The following ATP13A2 variants were observed in gnomAD, a reference collection of about 807,000 sequenced individuals.
ATP13A2 encodes ATPase cation transporting 13A2, also known as polyamine-transporting ATPase 13A2.
In ATP13A2, 83 loss-of-function variants were observed where a neutral mutation model predicts 138.3. The observed-to-expected ratio is 0.60, with a 90% CI of 0.50 to 0.72. The LOEUF (loss-of-function observed/expected upper bound fraction) is 0.72, where lower values mean the gene tolerates loss of function less well. ATP13A2 is among the 30% of genes least tolerant of loss of function. The pLI is 0.00. For synonymous variants in ATP13A2, 663 were observed against 699.0 expected (o/e 0.95, Z 0.81); for missense variants, 1,402 against 1,606.4 (o/e 0.87, Z 2.17).
chr1:16,987,536 C>G (rs1338196801), intron 25 of ATP13A2, among the ~76,000 whole-genome samples: 1 of 152,222 alleles, frequency 6.6e-6, no homozygotes, highest in South Asian at 2.1e-4. Flanking sequence ...AACAAACTCC[C>G]GGCCCGAAGG....
rs376927885 is a variant in ATP13A2 at position 16,992,149 on chromosome 1, G to A, written c.2006-20C>T. On this transcript the variant is annotated intron_variant, in intron 18 of 28. Transcript: ENST00000326735. ...TGGGCACTGCCAGGGAGAGGCAGGTGTCACAAGGAGGGGATGGCAGGGACA... is the reference window on the plus strand; with the variant it reads ...TGGGCACTGCCAGGGAGAGGCAGGTATCACAAGGAGGGGATGGCAGGGACA... 4.3e-5 allele frequency: 69 copies of A among 1,612,352 alleles called. No individual in the cohort carries two copies. Among genetic ancestry groups the A allele is most frequent in the Non-Finnish European group, 5.7e-5 (67 of 1,178,964 alleles).
intron 12 of ATP13A2, 138 bp downstream of exon 12, chr1:16,996,882 T>A (rs2077146456): frequency 8.9e-7 from 1 of 1,117,398 alleles, no homozygotes; most frequent in South Asian, 1.3e-5. Context: ...GGGGGGCAAC[T>A]GGCCCGAGGT....
Position 16,989,975 on chromosome 1 carries a change from A to G in ATP13A2, c.2441T>C (p.Val814Ala). The G allele has an allele frequency of 6.2e-7, 1 of 1,609,720 alleles. No individual in the cohort carries two copies. The highest frequency in any genetic ancestry group is 8.5e-7 in the Non-Finnish European group (1 of 1,178,022). The change falls in exon 22 of 29, where the codon GTG (valine) becomes GCG (alanine). Residue 814 changes from valine to alanine, a missense_variant. Val to Ala is a moderately conservative substitution (Grantham distance 64). Transcript: ENST00000326735. ...KDPDQAASYT[V>A]EPDPRSRHLA... ...GTGCCTGGATCGGGGGTCTGGCTCC[A>G]CGGTGTAGCTTGCAGCCTGGTCAGG...
intron 14 of ATP13A2, 26 bp downstream of exon 14, chr1:16,996,227 AC>A (rs746457743): frequency 8.7e-6 from 14 of 1,613,472 alleles, no homozygotes; most frequent in Non-Finnish European, 1.0e-5. Context: ...TGCTGGCAGC[AC>A]CCCCCACCCC....
intron 21 of ATP13A2, 61 bp from the exon 22 acceptor site, chr1:16,990,064 G>A: frequency 6.2e-7 from 1 of 1,613,800 alleles, no homozygotes; most frequent in East Asian, 2.2e-5. Context: ...TGGGGCCTGG[G>A]TCAGGTGACA....
intron 11 of ATP13A2, among the ~76,000 whole-genome samples, chr1:16,997,580 G>A (rs1339283883): frequency 1.3e-5 from 2 of 152,056 alleles, no homozygotes; most frequent in African/African-American, 4.8e-5. Flanking sequence ...GGTGGCTCAC[G>A]CCTGTAATCC....
At chr1:17,000,642 G>A in intron 8 of ATP13A2, 108 bp from the exon 9 acceptor site, 2 of 1,427,564 alleles carry the variant, frequency 1.4e-6, no homozygotes, top group African/African-American at 1.4e-5. Flanking sequence ...GGCTGCCAAA[G>A]GACTGGAGCC....
rs3738814 is a variant in ATP13A2 at position 17,005,181 on chromosome 1, A to G, written c.289-109T>C. On this transcript the variant is annotated intron_variant, in intron 3 of 28. Transcript: ENST00000326735. ...GAGAAGGCAGAAATCAAGGCTATGGAGAGCCCTCCAGAAACCACCCGACCC... is the reference window on the plus strand; with the variant it reads ...GAGAAGGCAGAAATCAAGGCTATGGGGAGCCCTCCAGAAACCACCCGACCC... 0.46 allele frequency: 701,365 copies of G among 1,514,810 alleles called. 166,474 individuals carry two copies. Among genetic ancestry groups the G allele is most frequent in the East Asian group, 0.69 (29,879 of 43,550 alleles). 93.8% of individuals were successfully genotyped at this position (1,514,810 alleles called of 1,614,324 possible).
rs763606239 is a variant in ATP13A2 at position 16,987,055 on chromosome 1, G to C, written c.3074C>G (p.Ala1025Gly). The change falls in exon 26 of 29, where the codon GCC becomes GGC. Residue 1025 changes from alanine (A) to glycine (G), a missense_variant. By Grantham distance (60) the Ala-to-Gly change is moderately conservative (BLOSUM62 0). Coordinates refer to ENST00000326735, the MANE Select transcript of ATP13A2 (RefSeq NM_022089.4). ...VQLGGYFLTL[A>G]QPWFVPLNRT... ...TCAGCTCCCTACTCACCATGGCTGG[G>C]CCAGGGTCAGGAAGTAGCCCCCTAG... The C allele has an allele frequency of 6.2e-7, 1 of 1,613,310 alleles. No individual in the cohort carries two copies. Among genetic ancestry groups the C allele is most frequent in the African/African-American group, 1.3e-5 (1 of 74,892 alleles).
At chr1:17,000,695 TC>T in intron 8 of ATP13A2, 161 bp from the exon 9 acceptor site, 2 of 892,194 alleles carry the variant, frequency 2.2e-6, no homozygotes, top group Non-Finnish European at 3.3e-6. Flanking sequence ...CAACCAGACA[TC>T]CCCAGGGCCC....
In ATP13A2 at chr1:16,996,922, G is replaced by A. The variant is rs539916956; in HGVS notation, c.1195+98C>T. 388 of 1,452,890 alleles carry A rather than the reference G, an allele frequency of 2.7e-4. 2 individuals are homozygous for A. In the East Asian group the frequency reaches 6.7e-3, roughly 25 times the overall value. The allele number at this position is 1,452,890 out of a possible 1,614,324, so 90.0% of individuals were successfully genotyped here. ...CAGCAGGGCAGCAGCAGAGGTGGGC[G>A]TGGGGTCCAGGGTTCCAGGTCCCAC... On this transcript the variant is annotated intron_variant, in intron 12 of 28. Transcript: ENST00000326735.
chr1:17,002,216 G>A (rs555901170), intron 7 of ATP13A2, 80 bp downstream of exon 7: 1 of 1,583,670 alleles, frequency 6.3e-7, no homozygotes, highest in African/African-American at 1.3e-5. Flanking sequence ...GAGAAGGCAG[G>A]TGACTGGAAG....
chr1:16,988,396 G>C lies in ATP13A2; in HGVS notation c.2688C>G (p.Ser896=). 1.2e-6 allele frequency: 2 copies of C among 1,614,060 alleles called. No homozygotes were observed. Among genetic ancestry groups the C allele is most frequent in the Non-Finnish European group, 1.7e-6 (2 of 1,180,034 alleles). Residue 896 remains serine (S), a synonymous_variant, in exon 24 of 29, where the codon TCC becomes TCG. Coordinates refer to ENST00000326735, the MANE Select transcript of ATP13A2 (RefSeq NM_022089.4). ...LKAADVGISL[S]QAEASVVSPF... ...GTGAGACCACTGAGGCTTCTGCCTG[G>C]GACAGCGAGATGCCGACATCAGCCG...
rs1205376264 is a variant in ATP13A2 at position 16,995,915 on chromosome 1, G to A, written c.1542+61C>T. 6.3e-7 allele frequency: 1 copy of A among 1,596,346 alleles called. No homozygotes were observed. Among genetic ancestry groups the A allele is most frequent in the Non-Finnish European group, 8.6e-7 (1 of 1,167,364 alleles). On this transcript the variant is annotated intron_variant, in intron 15 of 28. Transcript: ENST00000326735. This position sits in a 1 kb window ranked among gnomAD's most constrained non-coding sequence, Gnocchi z 4.1. ...CTGAGAGAATAACGCGGGTGTGGAG[G>A]CCTCACTGGGGCGCCTGTGGCTGTC...
At chr1:17,001,712 G>A (rs2077364369) in intron 8 of ATP13A2, among the ~76,000 whole-genome samples, 1 of 152,198 alleles carries the variant, frequency 6.6e-6, no homozygotes, top group Non-Finnish European at 1.5e-5. Context: ...GAAAGTGGAG[G>A]ACGCACAGAG....
At chr1:17,000,194 G>GTCCCC in intron 10 of ATP13A2, 52 bp from the exon 11 acceptor site, 29 of 1,570,254 alleles carry the variant, frequency 1.8e-5, no homozygotes, top group South Asian at 6.8e-5. Context: ...CCCCAGCCAT[G>GTCCCC]CCCCCCCACC....
At chr1:16,988,015 G>A in intron 25 of ATP13A2, 123 bp downstream of exon 25, 1 of 911,232 alleles carries the variant, frequency 1.1e-6, no homozygotes, top group Non-Finnish European at 1.8e-6. Context: ...CAGCCGGAGA[G>A]TGGCAGGGTC....
chr1:17,006,573 T>C (rs550395078), intron 1 of ATP13A2, among the ~76,000 whole-genome samples: 1 of 152,130 alleles, frequency 6.6e-6, no homozygotes, highest in Non-Finnish European at 1.5e-5. Flanking sequence ...TTTCCTTGCG[T>C]GTGTCGGTCT....
chr1:17,003,164 C>T (rs957580979), intron 6 of ATP13A2, among the ~76,000 whole-genome samples: 4 of 152,140 alleles, frequency 2.6e-5, no homozygotes, highest in Non-Finnish European at 5.9e-5. Flanking sequence ...AACCTCCCTC[C>T]GTGCTTCCAT....
Sources: allele counts gnomAD v4.1 joint callset (sites outside exome capture counted in the v4.1 genomes callset), GRCh38; gene constraint gnomAD v4.1.1; non-coding constraint Gnocchi (gnomAD v3.1); transcripts MANE v1.5; gene names NCBI Gene and HGNC (gene_info 2026-07-23, HGNC 2026-07-21).